PTPRQ: variants seen among roughly 807,000 people sequenced by gnomAD.
PTPRQ encodes phosphatidylinositol phosphatase PTPRQ.
A neutral mutation model predicts 246.0 loss-of-function variants in PTPRQ; 199 were observed. That is an observed-to-expected ratio of 0.81 (90% CI 0.72 to 0.91). PTPRQ has a LOEUF of 0.91. Among genes scored for constraint, PTPRQ ranks in the 40% least tolerant of loss-of-function variants. The pLI is 0.00. For missense variants in PTPRQ, 2,624 were observed against 2,528.4 expected, an observed-to-expected ratio of 1.04 and a Z score of -0.81; for synonymous variants, 869 against 853.2, an observed-to-expected ratio of 1.02 and a Z score of -0.32.
At chr12:80,585,948 T>C (rs1464632900) in intron 25 of PTPRQ, among the ~76,000 whole-genome samples, 3 of 144,194 alleles carry the variant, frequency 2.1e-5, no homozygotes, top group Non-Finnish European at 4.5e-5. Flanking sequence ...GTGATCTCAT[T>C]GTTCAATTCC....
intron 27 of PTPRQ, among the ~76,000 whole-genome samples, chr12:80,607,466 C>G (rs1898370135): frequency 6.8e-6 from 1 of 148,032 alleles, no homozygotes; most frequent in Non-Finnish European, 1.5e-5. Context: ...TTCCTTCCTC[C>G]CTCCCACCCT....
At chr12:80,578,503 G>A (rs893440602) in intron 25 of PTPRQ, among the ~76,000 whole-genome samples, 6 of 151,900 alleles carry the variant, frequency 3.9e-5, no homozygotes, top group Admixed American at 3.9e-4. Flanking sequence ...CCATTCTCCT[G>A]CCTCAGCCTC....
At chr12:80,615,157 A>G (rs1262550655) in intron 29 of PTPRQ, among the ~76,000 whole-genome samples, 1 of 151,032 alleles carries the variant, frequency 6.6e-6, no homozygotes, top group East Asian at 2.0e-4. Context: ...AAGAAATAAA[A>G]ATAATGGACC....
At chr12:80,652,858 T>TG in intron 38 of PTPRQ, 24 bp downstream of exon 38, 1 of 1,451,822 alleles carries the variant, frequency 6.9e-7, no homozygotes, top group Non-Finnish European at 9.1e-7. Context: ...TTGGTTTTGG[T>TG]TTAGCTAGGA....
intron 38 of PTPRQ, among the ~76,000 whole-genome samples, chr12:80,656,947 TC>T (rs1180277564): frequency 6.7e-6 from 1 of 150,268 alleles, no homozygotes; most frequent in Non-Finnish European, 1.5e-5. Context: ...CATGAAATTT[TC>T]AGAAGAAACA....
intron 12 of PTPRQ, 119 bp downstream of exon 12, chr12:80,495,490 A>G (rs1324593651): frequency 1.6e-6 from 2 of 1,290,300 alleles, no homozygotes; most frequent in Non-Finnish European, 1.0e-6. Context: ...GTCACTTCAT[A>G]TTTTGTTGTT....
intron 38 of PTPRQ, among the ~76,000 whole-genome samples, chr12:80,657,191 A>C (rs971391262): frequency 2.0e-5 from 3 of 151,866 alleles, no homozygotes; most frequent in African/African-American, 7.2e-5. Flanking sequence ...AAGTGAGAAA[A>C]TGTGAAAGGC....
At chr12:80,544,079 C>T (rs2120848306) in intron 23 of PTPRQ, among the ~76,000 whole-genome samples, 1 of 152,206 alleles carries the variant, frequency 6.6e-6, no homozygotes, top group Middle Eastern at 3.4e-3. Context: ...TGATCTGTAA[C>T]ATAGGCTCTC....
intron 25 of PTPRQ, among the ~76,000 whole-genome samples, chr12:80,567,201 T>C (rs1329463997): frequency 6.6e-6 from 1 of 152,210 alleles, no homozygotes; most frequent in African/African-American, 2.4e-5. Context: ...AAGCCCATGA[T>C]TGTTTTTCTA....
At chr12:80,498,763 C>T (rs2400720) in intron 14 of PTPRQ, among the ~76,000 whole-genome samples, 145 of 152,106 alleles carry the variant, frequency 9.5e-4, no homozygotes, top group African/African-American at 3.3e-3. Flanking sequence ...AAATAATAAC[C>T]ATTTTTATGA....
intron 25 of PTPRQ, among the ~76,000 whole-genome samples, chr12:80,586,300 C>T (rs1013254505): frequency 4.5e-4 from 68 of 151,408 alleles, no homozygotes; most frequent in Middle Eastern, 3.2e-3. Context: ...AAAAAATGCT[C>T]ATCATCACTG....
At chr12:80,473,468 CTTAATAGAGT>C (rs1893716850) in intron 8 of PTPRQ, among the ~76,000 whole-genome samples, 1 of 152,186 alleles carries the variant, frequency 6.6e-6, no homozygotes, top group African/African-American at 2.4e-5. Context: ...TGATTTTGGT[CTTAATAGAGT>C]TTTCTCAACC....
At chr12:80,671,171 A>G (rs1475706148) in intron 42 of PTPRQ, among the ~76,000 whole-genome samples, 1 of 152,086 alleles carries the variant, frequency 6.6e-6, no homozygotes, top group African/African-American at 2.4e-5. Context: ...CTGGATTTTT[A>G]AAATTATAAG....
chr12:80,493,103 T>A (rs529949941), intron 9 of PTPRQ, among the ~76,000 whole-genome samples, 172 bp from the exon 10 acceptor site: 1 of 152,134 alleles, frequency 6.6e-6, no homozygotes, highest in East Asian at 1.9e-4. Context: ...ATTCAGGGTA[T>A]TAGTAGCCGG....
intron 42 of PTPRQ, among the ~76,000 whole-genome samples, chr12:80,671,509 T>C (rs900980784): frequency 1.3e-5 from 2 of 151,912 alleles, no homozygotes; most frequent in African/African-American, 4.8e-5. Flanking sequence ...AAGAATAGAG[T>C]CTCCTCCTTT....
chr12:80,653,878 T>C (rs1473460476), intron 38 of PTPRQ, among the ~76,000 whole-genome samples: 1 of 152,160 alleles, frequency 6.6e-6, no homozygotes, highest in Non-Finnish European at 1.5e-5. Context: ...AGAAGTAGAA[T>C]AGGATGAAAA....
chr12:80,612,655 T>C lies in PTPRQ; in HGVS notation c.4919-937T>C, dbSNP rs1373746351. Among the ~76,000 whole-genome samples the C allele has an allele frequency of 2.0e-5, 3 of 150,572 alleles. No individual in the cohort carries two copies. The East Asian group carries it at 5.9e-4, about 29-fold the overall frequency. On this transcript the variant is annotated intron_variant, in intron 28 of 44. Transcript: ENST00000644991. ...CTTATAAAACTAAACATGAAATTAC[T>C]GTGTGACCCAGTAGTCACACTCTTG...
chr12:80,452,654 G>T (rs1039254765), intron 3 of PTPRQ, among the ~76,000 whole-genome samples: 1 of 152,074 alleles, frequency 6.6e-6, no homozygotes, highest in Non-Finnish European at 1.5e-5. Context: ...TGAAATTCTG[G>T]GTTGCAAATT....
At position 80,504,745 on chromosome 12, in the gene PTPRQ, A is replaced by T. The variant is rs137889713; in HGVS notation, c.2273-1279A>T. ...TAAATTCTGAAGTGGAGGTTTCTTC[A>T]GGGTACATATAGATATCATGGATTT... is the stretch of plus-strand genomic sequence containing the variant. On this transcript the variant is annotated intron_variant, in intron 14 of 44. Transcript: ENST00000644991. Among the ~76,000 whole-genome samples, 10 of 152,016 alleles carry T rather than the reference A, an allele frequency of 6.6e-5. 1 individual carries two copies. Among genetic ancestry groups the T allele is most frequent in the African/African-American group, 2.4e-4 (10 of 41,538 alleles).
Sources: gnomAD v4.1 joint callset for allele counts (sites outside exome capture counted in the v4.1 genomes callset) on GRCh38, gnomAD v4.1.1 for gene constraint, MANE v1.5 for transcripts, NCBI Gene and HGNC (gene_info 2026-07-23, HGNC 2026-07-21) for gene names.